Variants in HSPA12A observed in about 807,000 individuals in gnomAD.
HSPA12A encodes heat shock 70 kDa protein 12A.
In HSPA12A, 28 loss-of-function variants were observed where a neutral mutation model predicts 69.2. That is an observed-to-expected ratio of 0.40 (90% CI 0.30 to 0.55). The LOEUF is 0.55. Among genes scored for constraint, HSPA12A ranks in the 20% least tolerant of loss-of-function variants. HSPA12A has a pLI of 0.38. For missense variants in HSPA12A, 686 were observed against 900.7 expected (o/e 0.76, Z 3.05); for synonymous variants, 345 against 370.5 (o/e 0.93, Z 0.79).
chr10:116,763,631 A>G (rs782763387), intron 2 of HSPA12A, among the ~76,000 whole-genome samples: 45 of 152,172 alleles, frequency 3.0e-4, no homozygotes, highest in Non-Finnish European at 5.6e-4. Context: ...CTGGGCAAAG[A>G]CATAGCTGGC....
At position 116,742,452 on chromosome 10, in the gene HSPA12A, G is replaced by T. The variant is rs1239596125; in HGVS notation, c.18C>A (p.Ala6=). The T allele has an allele frequency of 1.4e-6, 2 of 1,404,680 alleles. No individual in the cohort carries two copies. Among genetic ancestry groups the T allele is most frequent in the South Asian group, 1.4e-5 (1 of 70,648 alleles). 87.0% of individuals were successfully genotyped at this position (1,404,680 alleles called of 1,614,324 possible). A position where few individuals can be genotyped will look rare whatever the true frequency, so the allele number is the denominator to read the frequency against. The change falls in exon 1 of 12, where the codon GCC becomes GCA. Residue 6 remains alanine, a synonymous_variant. Coordinates refer to ENST00000369209, the MANE Select transcript of HSPA12A (RefSeq NM_025015.3). MADKE[A]GGSDGPRETA... ...CACCTCGGGGCCCGTCGCTGCCGCC[G>T]GCCTCCTTGTCCGCCATGGTCGCGC...
At chr10:116,718,473 ACT>A (rs1554884026) in intron 1 of HSPA12A, among the ~76,000 whole-genome samples, 1 of 151,890 alleles carries the variant, frequency 6.6e-6, no homozygotes. Context: ...CAAACCTTCC[ACT>A]CTCTGCCAGT....
chr10:116,773,800 G>T (rs574424643), intron 2 of HSPA12A, among the ~76,000 whole-genome samples: 1 of 152,316 alleles, frequency 6.6e-6, no homozygotes, highest in South Asian at 2.1e-4. Flanking sequence ...AGCTCACAGT[G>T]CCTGTGGTAA....
At chr10:116,726,256 C>T (rs1458646805) in intron 1 of HSPA12A, among the ~76,000 whole-genome samples, 1 of 152,134 alleles carries the variant, frequency 6.6e-6, no homozygotes, top group Non-Finnish European at 1.5e-5. Context: ...CCAGCCATGA[C>T]TTTGTGGGTT....
At chr10:116,803,439 T>A (rs1435085323) in intron 2 of HSPA12A, among the ~76,000 whole-genome samples, 1 of 152,140 alleles carries the variant, frequency 6.6e-6, no homozygotes, top group African/African-American at 2.4e-5. Context: ...TCTGCTTCGG[T>A]ATCTAACCCC....
chr10:116,837,657 G>A (rs1589734212), intron 1 of HSPA12A, among the ~76,000 whole-genome samples: 1 of 152,092 alleles, frequency 6.6e-6, no homozygotes, highest in African/African-American at 2.4e-5. Context: ...AGAGACTGGG[G>A]ATTTTAGATT....
intron 1 of HSPA12A, among the ~76,000 whole-genome samples, chr10:116,716,448 G>T (rs1246468823): frequency 6.6e-6 from 1 of 151,954 alleles, no homozygotes; most frequent in Non-Finnish European, 1.5e-5. Flanking sequence ...GTGTGTGTTG[G>T]GGGGTGGGGT....
At chr10:116,711,119 G>C (rs1388805001) in intron 1 of HSPA12A, among the ~76,000 whole-genome samples, 5 of 152,166 alleles carry the variant, frequency 3.3e-5, no homozygotes, top group African/African-American at 1.2e-4. Context: ...CCAAGTGTAG[G>C]CTGTGTGTCC....
intron 1 of HSPA12A, among the ~76,000 whole-genome samples, chr10:116,737,224 A>G (rs1171241201): frequency 6.6e-6 from 1 of 152,156 alleles, no homozygotes; most frequent in African/African-American, 2.4e-5. Context: ...TTTAACCACT[A>G]CGCTTCCCAA....
intron 2 of HSPA12A, among the ~76,000 whole-genome samples, chr10:116,801,488 G>A (rs1844953245): frequency 6.6e-6 from 1 of 152,168 alleles, no homozygotes; most frequent in East Asian, 1.9e-4. Flanking sequence ...GGGGTTCACA[G>A]GGAAGTTGGA....
rs577319536 is a variant in HSPA12A at position 116,703,138 on chromosome 10, C to T, written c.255-2009G>A. ...CTGTCTGGCTAAATGGAAAGAGATT[C>T]CTGGTGGCAACTGAACACCAAGGGC... is the stretch of plus-strand genomic sequence containing the variant. On this transcript the variant is annotated intron_variant, in intron 3 of 11. Transcript: ENST00000369209. Among the ~76,000 whole-genome samples, 7 of 152,282 alleles carry T rather than the reference C, an allele frequency of 4.6e-5. No homozygotes were observed. In the South Asian group the frequency reaches 1.2e-3, roughly 27 times the overall value.
At chr10:116,758,201 C>A (rs1174119930) in intron 2 of HSPA12A, among the ~76,000 whole-genome samples, 1 of 152,212 alleles carries the variant, frequency 6.6e-6, no homozygotes, top group Admixed American at 6.5e-5. Flanking sequence ...TACCTTGATA[C>A]ATGGATTTCA....
intron 1 of HSPA12A, among the ~76,000 whole-genome samples, chr10:116,717,262 C>G (rs568719714): frequency 1.3e-5 from 2 of 152,302 alleles, no homozygotes; most frequent in East Asian, 1.9e-4. Context: ...CACACCTGCA[C>G]GTTCCCAGTG....
chr10:116,716,691 G>A (rs529561587), intron 1 of HSPA12A, among the ~76,000 whole-genome samples: 1 of 152,290 alleles, frequency 6.6e-6, no homozygotes, highest in Non-Finnish European at 1.5e-5. Flanking sequence ...AGGAACAGAA[G>A]AAAAACAAAA....
chr10:116,733,539 CTCTGAGATCTTGGGTGCTA>C (rs1338544963), intron 1 of HSPA12A, among the ~76,000 whole-genome samples: 1 of 152,198 alleles, frequency 6.6e-6, no homozygotes, highest in Non-Finnish European at 1.5e-5. Flanking sequence ...ATCCATTTCC[CTCTGAGATCTTGGGTGCTA>C]AGTGGGTCGA....
intron 3 of HSPA12A, 66 bp downstream of exon 3, chr10:116,705,085 G>T (rs1674724502): frequency 3.1e-6 from 5 of 1,591,698 alleles, no homozygotes; most frequent in African/African-American, 1.3e-5. Flanking sequence ...CTGGCTCATT[G>T]CCCGGAGTCT....
In HSPA12A at chr10:116,701,414, T is replaced by C. The variant is rs189168910; in HGVS notation, c.255-285A>G. On this transcript the variant is annotated intron_variant, in intron 3 of 11. Coordinates refer to ENST00000369209, the MANE Select transcript of HSPA12A (RefSeq NM_025015.3). ...TCTACATGTTTGCCAGGTGCTGGCA[T>C]GAAACTTTTATGTCTGTGTCTTCAA... Among the ~76,000 whole-genome samples the C allele has an allele frequency of 6.6e-5, 10 of 152,390 alleles. No individual in the cohort carries two copies. The East Asian group carries it at 1.9e-3, about 29-fold the overall frequency.
chr10:116,682,867 A>ATTTTTTTTTTTTTTTTTTT (rs60393392), intron 7 of HSPA12A, among the ~76,000 whole-genome samples: 1 of 117,688 alleles, frequency 8.5e-6, no homozygotes, highest in African/African-American at 3.5e-5. Context: ...CGCCCGGCTA[A>ATTTTTTTTTTTTTTTTTTT]TTTTTTTTTT....
chr10:116,734,543 T>C (rs577207184), intron 1 of HSPA12A, among the ~76,000 whole-genome samples: 2 of 151,710 alleles, frequency 1.3e-5, no homozygotes, highest in South Asian at 4.2e-4. Context: ...TTGCAGCTCC[T>C]TCATCTGCCC....
Sources: gnomAD v4.1 joint callset for allele counts (sites outside exome capture counted in the v4.1 genomes callset) on GRCh38, gnomAD v4.1.1 for gene constraint, MANE v1.5 for transcripts, NCBI Gene and HGNC (gene_info 2026-07-23, HGNC 2026-07-21) for gene names.